The following ADHFE1 variants were observed in gnomAD, a reference collection of about 807,000 sequenced individuals.
ADHFE1 encodes the protein alcohol dehydrogenase iron containing 1, also known as hydroxyacid-oxoacid transhydrogenase, mitochondrial.
Under a neutral mutation model 54.8 loss-of-function variants are expected in ADHFE1, and 37 were observed. The ratio of observed to expected loss-of-function variants is 0.68; its 90% CI spans 0.52 to 0.89. The LOEUF is 0.89. Among genes scored for constraint, ADHFE1 ranks in the 40% least tolerant of loss-of-function variants. The pLI is 0.00. For missense variants in ADHFE1, 601 were observed against 591.2 expected, an observed-to-expected ratio of 1.02 and a Z score of -0.17; for synonymous variants, 203 against 229.3, an observed-to-expected ratio of 0.89 and a Z score of 1.04.
At chr8:66,453,083 C>A (rs1248947967) in intron 9 of ADHFE1, among the ~76,000 whole-genome samples, 3 of 152,180 alleles carry the variant, frequency 2.0e-5, no homozygotes, top group African/African-American at 7.2e-5. Flanking sequence ...CACAGCAGCA[C>A]TTGACTAGAT....
At position 66,444,356 on chromosome 8, in the gene ADHFE1, AT is replaced by A. The variant is rs549254382; in HGVS notation, c.145-4del. 748 of 1,613,810 alleles carry A rather than the reference AT, an allele frequency of 4.6e-4. 7 individuals are homozygous for A. The East Asian group carries it at 0.016, about 36-fold the overall frequency. ...ATACTCCCTACACCTAAACCTTTTT[AT>A]TTTTTTCAGATGGCTGTTTCAAATA... is the stretch of plus-strand genomic sequence containing the variant. On this transcript the variant is annotated splice_polypyrimidine_tract_variant and intron_variant, in intron 3 of 13. Transcript: ENST00000396623.
intron 2 of ADHFE1, among the ~76,000 whole-genome samples, chr8:66,441,524 A>G (rs1302348162): frequency 6.6e-6 from 1 of 152,230 alleles, no homozygotes; most frequent in African/African-American, 2.4e-5. Flanking sequence ...AAGAAAAAGC[A>G]TAATGAAAAT....
chr8:66,456,695 A>G, intron 10 of ADHFE1, 122 bp from the exon 11 acceptor site: 1 of 662,108 alleles, frequency 1.5e-6, no homozygotes, highest in Non-Finnish European at 2.6e-6. Flanking sequence ...AGAACATATC[A>G]CTTTTTCAGG....
Position 66,447,350 on chromosome 8 carries a change from C to T in ADHFE1, c.628+9C>T. The T allele has an allele frequency of 6.2e-7, 1 of 1,602,306 alleles. No homozygotes were observed. The highest frequency in any genetic ancestry group is 8.5e-7 in the Non-Finnish European group (1 of 1,170,064). On this transcript the variant is annotated intron_variant, in intron 7 of 13. Transcript: ENST00000396623. The stretch of plus-strand genomic sequence containing the variant: ...CTTGAAAGTAAAAATTGGTAAGAAC[C>T]ATACTTTTGAATTATCTCCCTTACC...
chr8:66,443,194 T>TTTATC (rs1035864687), intron 3 of ADHFE1, among the ~76,000 whole-genome samples: 37 of 151,878 alleles, frequency 2.4e-4, no homozygotes, highest in African/African-American at 7.5e-4. Flanking sequence ...CTGGTGTATT[T>TTTATC]TTATCACACT....
At chr8:66,451,866 A>G (rs1053332213) in intron 8 of ADHFE1, 87 bp from the exon 9 acceptor site, 2 of 1,521,118 alleles carry the variant, frequency 1.3e-6, no homozygotes, top group Non-Finnish European at 1.8e-6. Flanking sequence ...TTGAGTGCCA[A>G]ACAGCTCCAA....
chr8:66,459,939 C>CTTG (rs1806809823), intron 12 of ADHFE1: 1 of 202,122 alleles, frequency 4.9e-6, no homozygotes, highest in Non-Finnish European at 1.0e-5. Flanking sequence ...ACATCATACA[C>CTTG]CTCTAGATGT....
chr8:66,442,171 G>C (rs1330310550), intron 2 of ADHFE1, among the ~76,000 whole-genome samples: 4 of 152,042 alleles, frequency 2.6e-5, no homozygotes, highest in Non-Finnish European at 4.4e-5. Flanking sequence ...TTCTGTAATA[G>C]TAACCCAACT....
chr8:66,459,091 C>T (rs556038698), intron 12 of ADHFE1, among the ~76,000 whole-genome samples: 34 of 152,192 alleles, frequency 2.2e-4, no homozygotes, highest in Non-Finnish European at 2.9e-4. Flanking sequence ...AGCTAAAAAC[C>T]GATTTAATAA....
At chr8:66,450,685 C>G (rs1207744532) in intron 8 of ADHFE1, among the ~76,000 whole-genome samples, 1 of 152,242 alleles carries the variant, frequency 6.6e-6, no homozygotes, top group Non-Finnish European at 1.5e-5. Flanking sequence ...GAGTCCACCC[C>G]TGAGAAACAA....
intron 8 of ADHFE1, among the ~76,000 whole-genome samples, chr8:66,450,020 T>TGTCA (rs1213073409): frequency 6.6e-6 from 1 of 152,198 alleles, no homozygotes; most frequent in Non-Finnish European, 1.5e-5. Context: ...GTACAGTGAC[T>TGTCA]GTCACATCCT....
chr8:66,439,872 C>T lies in ADHFE1; in HGVS notation c.60-290C>T. The T allele has an allele frequency of 2.4e-6, 2 of 845,428 alleles. No individual in the cohort carries two copies. Among genetic ancestry groups the T allele is most frequent in the South Asian group, 3.1e-5 (1 of 32,406 alleles). 52.4% of individuals were successfully genotyped at this position (845,428 alleles called of 1,614,324 possible). On this transcript the variant is annotated intron_variant, in intron 1 of 13. Coordinates refer to ENST00000396623, the MANE Select transcript of ADHFE1 (RefSeq NM_144650.3). This position sits in a 1 kb window ranked among gnomAD's most constrained non-coding sequence, Gnocchi z 4.4. ...GACCCCCATCTTAAACTTGCATGTACCCCCAGAGCGTTTATCTCAGCTGCC... is the reference window on the plus strand; with the variant it reads ...GACCCCCATCTTAAACTTGCATGTATCCCCAGAGCGTTTATCTCAGCTGCC...
chr8:66,443,539 A>C (rs1057330293), intron 3 of ADHFE1, among the ~76,000 whole-genome samples: 1 of 152,110 alleles, frequency 6.6e-6, no homozygotes, highest in African/African-American at 2.4e-5. Flanking sequence ...CGGCCTCCCA[A>C]AGTGCCAGGA....
Position 66,468,459 on chromosome 8 carries a change from AC to A in ADHFE1, c.*109del. ...CATCTTTGCGCATAACTTACCTGTT[AC>A]CAGTATAGGTGGGATATACATTTAT... is the stretch of plus-strand genomic sequence containing the variant. On this transcript the variant is annotated 3_prime_UTR_variant, in exon 14 of 14. Transcript: ENST00000396623. The A allele has an allele frequency of 1.2e-6, 1 of 829,258 alleles. No individual in the cohort carries two copies. The highest frequency in any genetic ancestry group is 1.8e-6 in the Non-Finnish European group (1 of 546,012). The allele number at this position is 829,258 out of a possible 1,614,324, so 51.4% of individuals were successfully genotyped here.
In ADHFE1 at chr8:66,440,111, G is replaced by A. The variant is rs774829954; in HGVS notation, c.60-51G>A. 9.6e-6 allele frequency: 15 copies of A among 1,568,878 alleles called. No homozygotes were observed. The South Asian group carries it at 1.6e-4, about 17-fold the overall frequency. ...TTAGCTTAAGGCTTTTCATTTTTTG[G>A]TCTCTATTTTCACCTTAGGTTTTTT... On this transcript the variant is annotated intron_variant, in intron 1 of 13. Transcript: ENST00000396623.
intron 9 of ADHFE1, 144 bp downstream of exon 9, chr8:66,452,249 C>A: frequency 8.4e-7 from 1 of 1,190,568 alleles, no homozygotes; most frequent in Non-Finnish European, 1.1e-6. Context: ...CCCCAGACAC[C>A]AGCAGCCTCT....
At chr8:66,462,078 C>T (rs904670381) in intron 13 of ADHFE1, among the ~76,000 whole-genome samples, 1 of 152,204 alleles carries the variant, frequency 6.6e-6, no homozygotes, top group Non-Finnish European at 1.5e-5. Context: ...TCCATTGCAC[C>T]TAGCACAGGC....
chr8:66,432,972 G>T lies in ADHFE1; in HGVS notation c.59+397G>T, dbSNP rs548873961. 136 of 950,664 alleles carry T rather than the reference G, an allele frequency of 1.4e-4. No homozygotes were observed. The African/African-American group carries it at 2.2e-3, about 16-fold the overall frequency. 58.9% of individuals were successfully genotyped at this position (950,664 alleles called of 1,614,324 possible). On this transcript the variant is annotated intron_variant, in intron 1 of 13. Transcript: ENST00000396623. ...GGTTCTGGGGATACAAAGATGAAAG[G>T]CTCTGGAGCAGTTTGAGGTCTAGTG...
chr8:66,467,052 G>A (rs1219757723), intron 13 of ADHFE1, among the ~76,000 whole-genome samples: 2 of 152,200 alleles, frequency 1.3e-5, no homozygotes, highest in Admixed American at 6.5e-5. Flanking sequence ...GGCTGCTGTG[G>A]GGAGAATGAC....
Sources: gnomAD v4.1 joint callset for allele counts (sites outside exome capture counted in the v4.1 genomes callset) on GRCh38, gnomAD v4.1.1 for gene constraint, Gnocchi (gnomAD v3.1) non-coding constraint, MANE v1.5 for transcripts, NCBI Gene and HGNC (gene_info 2026-07-23, HGNC 2026-07-21) for gene names.